The following ZNRF3 variants were observed in gnomAD, a reference collection of about 807,000 sequenced individuals.
ZNRF3 encodes zinc and ring finger 3.
ZNRF3 carries 23 observed loss-of-function variants against 72.5 expected under a neutral mutation model. The observed-to-expected ratio is 0.32, with a 90% confidence interval of 0.23 to 0.45. The LOEUF is 0.45. Among genes scored for constraint, ZNRF3 ranks in the 20% least tolerant of loss-of-function variants. The pLI, the probability that ZNRF3 is intolerant of heterozygous loss-of-function variation, is 1.00. For synonymous variants in ZNRF3, 610 were observed against 545.3 expected, an observed-to-expected ratio of 1.12 and a Z score of -1.65; for missense variants, 1,169 against 1,272.1, an observed-to-expected ratio of 0.92 and a Z score of 1.23.
chr22:28,998,707 A>T (rs2036090452), intron 2 of ZNRF3, among the ~76,000 whole-genome samples: 1 of 152,250 alleles, frequency 6.6e-6, no homozygotes. Flanking sequence ...TATATTAAGC[A>T]CAATACTTTT....
At position 28,948,703 on chromosome 22, in the gene ZNRF3, A is replaced by G. The variant is rs373279069; in HGVS notation, c.301-38373A>G. Among the ~76,000 whole-genome samples the G allele has an allele frequency of 3.9e-5, 6 of 152,330 alleles. No individual in the cohort carries two copies. The South Asian group carries it at 1.2e-3, about 32-fold the overall frequency. On this transcript the variant is annotated intron_variant, in intron 1 of 8. Coordinates refer to ENST00000544604, the MANE Select transcript of ZNRF3 (RefSeq NM_001206998.2). Reference sequence around the variant, plus strand: ...GCCTGTTAAGATATTAGTAATTATGAGTATTCTTTGATACTATATCTAAAC... The same window carrying G: ...GCCTGTTAAGATATTAGTAATTATGGGTATTCTTTGATACTATATCTAAAC...
chr22:29,053,770 G>A lies in ZNRF3; in HGVS notation c.*148G>A. The stretch of plus-strand genomic sequence containing the variant: ...AGAGCCCTCCTTGTCAACCCAAAAT[G>A]TGAGCCCCCTGTGGCAAAACCACCC... On this transcript the variant is annotated 3_prime_UTR_variant, in exon 9 of 9. Coordinates refer to ENST00000544604, the MANE Select transcript of ZNRF3 (RefSeq NM_001206998.2). 1 of 726,254 alleles carries A rather than the reference G, an allele frequency of 1.4e-6. No homozygotes were observed. Among genetic ancestry groups the A allele is most frequent in the Admixed American group, 3.1e-5 (1 of 32,106 alleles). 45.0% of individuals were successfully genotyped at this position (726,254 alleles called of 1,614,324 possible). A position where few individuals can be genotyped will look rare whatever the true frequency, so the allele number is the denominator to read the frequency against.
At chr22:28,989,095 C>T (rs2035907743) in intron 2 of ZNRF3, among the ~76,000 whole-genome samples, 1 of 152,192 alleles carries the variant, frequency 6.6e-6, no homozygotes, top group Non-Finnish European at 1.5e-5. Context: ...AGTTTATTCA[C>T]TCACCAAATA....
At chr22:28,986,232 T>C (rs1281181682) in intron 1 of ZNRF3, among the ~76,000 whole-genome samples, 1 of 152,246 alleles carries the variant, frequency 6.6e-6, no homozygotes. Flanking sequence ...CTTAGGTCTC[T>C]TGTGTTTCTA....
intron 1 of ZNRF3, among the ~76,000 whole-genome samples, chr22:28,924,475 C>T (rs935595461): frequency 6.6e-6 from 1 of 152,102 alleles, no homozygotes; most frequent in South Asian, 2.1e-4. Flanking sequence ...GCAGCCAGGG[C>T]ATGGTGGCTC....
intron 1 of ZNRF3, among the ~76,000 whole-genome samples, chr22:28,897,659 T>A (rs1797268877): frequency 6.6e-6 from 1 of 152,120 alleles, no homozygotes; most frequent in South Asian, 2.1e-4. Context: ...AATACGTGTC[T>A]TCACCTCCAC....
At chr22:28,958,960 T>TG (rs1047999992) in intron 1 of ZNRF3, among the ~76,000 whole-genome samples, 1 of 152,194 alleles carries the variant, frequency 6.6e-6, no homozygotes. Context: ...TGGAGTCACT[T>TG]GGGAGGGAGC....
chr22:28,956,064 T>C (rs2035254967), intron 1 of ZNRF3, among the ~76,000 whole-genome samples: 1 of 152,100 alleles, frequency 6.6e-6, no homozygotes, highest in South Asian at 2.1e-4. Context: ...GGAGAGGTGG[T>C]TCTGTCACCA....
chr22:28,908,322 G>A (rs2034250801), intron 1 of ZNRF3, among the ~76,000 whole-genome samples: 1 of 152,120 alleles, frequency 6.6e-6, no homozygotes, highest in South Asian at 2.1e-4. Flanking sequence ...CCTTCTCCTG[G>A]GAGTCTTGGT....
At chr22:28,988,789 A>AT (rs2035901594) in intron 2 of ZNRF3, among the ~76,000 whole-genome samples, 1 of 152,170 alleles carries the variant, frequency 6.6e-6, no homozygotes, top group South Asian at 2.1e-4. Flanking sequence ...TTATGCAGGA[A>AT]TTGGCTCCTT....
chr22:28,987,476 T>TA (rs1176406761), intron 2 of ZNRF3, among the ~76,000 whole-genome samples: 2 of 152,222 alleles, frequency 1.3e-5, no homozygotes, highest in African/African-American at 4.8e-5. Context: ...CAAGGAGTCT[T>TA]AGTCTCTTGT....
At chr22:28,886,049 G>T (rs2033780674) in intron 1 of ZNRF3, among the ~76,000 whole-genome samples, 1 of 152,140 alleles carries the variant, frequency 6.6e-6, no homozygotes, top group Non-Finnish European at 1.5e-5. Flanking sequence ...CAGTAATGTT[G>T]GTGAGTTTAT....
At chr22:28,967,597 C>T (rs1378370309) in intron 1 of ZNRF3, among the ~76,000 whole-genome samples, 2 of 152,170 alleles carry the variant, frequency 1.3e-5, no homozygotes, top group Non-Finnish European at 2.9e-5. Flanking sequence ...GGCTGTTTCA[C>T]TGCGACATAC....
chr22:28,899,694 T>C (rs2034068763), intron 1 of ZNRF3, among the ~76,000 whole-genome samples: 1 of 139,876 alleles, frequency 7.1e-6, no homozygotes, highest in Non-Finnish European at 1.6e-5. Flanking sequence ...TCTTTCTTTC[T>C]TTTTTTTTTT....
At position 29,050,170 on chromosome 22, in the gene ZNRF3, G is replaced by A; in HGVS notation, c.1989G>A (p.Leu663=). 1 of 1,603,154 alleles carries A rather than the reference G, an allele frequency of 6.2e-7. No individual in the cohort carries two copies. Among genetic ancestry groups the A allele is most frequent in the East Asian group, 2.2e-5 (1 of 44,856 alleles). Residue 663 remains leucine, a synonymous_variant, in exon 8 of 9, where the codon CTG becomes CTA. Transcript: ENST00000544604. ...PSGDQVSTCS[L]EMNYSSNSSL... is the part of the protein sequence containing the mutation. ...GGGATCAGGTGTCCACCTGCAGCCT[G>A]GAGATGAACTACAGCAGCAACTCCT...
rs558778157 is a variant in ZNRF3 at position 28,930,732 on chromosome 22, G to T, written c.300+46666G>T. Among the ~76,000 whole-genome samples the T allele has an allele frequency of 7.2e-5, 11 of 152,376 alleles. No individual in the cohort carries two copies. In the South Asian group the frequency reaches 2.3e-3, roughly 32 times the overall value. ...CTGAGCCTGAGATGTGCACTTCTGA[G>T]AATGTGTTGGCTATCCTTTGCTCTT... On this transcript the variant is annotated intron_variant, in intron 1 of 8. Coordinates refer to ENST00000544604, the MANE Select transcript of ZNRF3 (RefSeq NM_001206998.2).
chr22:29,056,998 T>C lies in ZNRF3; in HGVS notation c.*3376T>C, dbSNP rs1394082984. On this transcript the variant is annotated 3_prime_UTR_variant, in exon 9 of 9. Transcript: ENST00000544604. The stretch of plus-strand genomic sequence containing the variant: ...TATTCTTTAAACAGAACTGCCTTTT[T>C]CTACTCTTTATGTAAACTCTTTCTA... 4 of 152,258 alleles carry C rather than the reference T, an allele frequency of 2.6e-5. No individual in the cohort carries two copies. The highest frequency in any genetic ancestry group is 2.6e-4 in the Admixed American group (4 of 15,292). 9.4% of individuals were successfully genotyped at this position (152,258 alleles called of 1,614,324 possible). A position where few individuals can be genotyped will look rare whatever the true frequency, so the allele number is the denominator to read the frequency against.
At chr22:28,951,231 C>G (rs1265974681) in intron 1 of ZNRF3, among the ~76,000 whole-genome samples, 1 of 152,106 alleles carries the variant, frequency 6.6e-6, no homozygotes, top group African/African-American at 2.4e-5. Context: ...TGAATTGTGT[C>G]CCCCCAAATT....
intron 1 of ZNRF3, among the ~76,000 whole-genome samples, chr22:28,899,447 C>CAT (rs1266126641): frequency 2.0e-5 from 3 of 152,200 alleles, no homozygotes; most frequent in African/African-American, 7.2e-5. Context: ...CACGTCTCAG[C>CAT]ATGCCAAGCC....
Sources: gnomAD v4.1 joint callset for allele counts (sites outside exome capture counted in the v4.1 genomes callset) on GRCh38, gnomAD v4.1.1 for gene constraint, MANE v1.5 for transcripts, NCBI Gene and HGNC (gene_info 2026-07-23, HGNC 2026-07-21) for gene names.